CARNMT1: variants seen among roughly 807,000 people sequenced by gnomAD.
CARNMT1 encodes carnosine N-methyltransferase 1, also known as protein-L-histidine N-pros-methyltransferase CARNMT1.
CARNMT1 carries 28 observed loss-of-function variants against 49.6 expected under a neutral mutation model. The observed-to-expected ratio is 0.56, with a 90% CI of 0.42 to 0.77. The LOEUF (loss-of-function observed/expected upper bound fraction) is 0.77, where lower values mean the gene tolerates loss of function less well. Among genes scored for constraint, CARNMT1 ranks in the 30% least tolerant of loss-of-function variants. The probability of loss-of-function intolerance (pLI) is 0.00; values close to 1 mark genes in which losing one functional copy is unlikely to be tolerated. For synonymous variants in CARNMT1, 178 were observed against 175.0 expected, an observed-to-expected ratio of 1.02 and a Z score of -0.13; for missense variants, 421 against 512.6, an observed-to-expected ratio of 0.82 and a Z score of 1.73.
rs1832735839 is a variant in CARNMT1, at chr9:74,983,326, T to C, written c.*441A>G. The C allele has an allele frequency of 6.6e-6, 1 of 152,150 alleles. No homozygotes were observed. Among genetic ancestry groups the C allele is most frequent in the African/African-American group, 2.4e-5 (1 of 41,412 alleles). 9.4% of individuals were successfully genotyped at this position (152,150 alleles called of 1,614,324 possible). A position where few individuals can be genotyped will look rare whatever the true frequency, so the allele number is the denominator to read the frequency against. ...GTGAACAAAGTCCCAACTCCAGATG[T>C]TGAATATGACTGAGGATCCTTAGAC... On this transcript the variant is annotated 3_prime_UTR_variant, in exon 8 of 8. Transcript: ENST00000376834.
chr9:75,021,718 G>T (rs1227941440), intron 1 of CARNMT1, among the ~76,000 whole-genome samples: 1 of 151,862 alleles, frequency 6.6e-6, no homozygotes, highest in Non-Finnish European at 1.5e-5. Flanking sequence ...CCTGTTTGAG[G>T]CCAGGTGTTC....
intron 3 of CARNMT1, among the ~76,000 whole-genome samples, chr9:75,014,013 A>G (rs908595206): frequency 1.7e-5 from 2 of 115,482 alleles, no homozygotes; most frequent in Admixed American, 1.8e-4. Flanking sequence ...AACCACATCC[A>G]CTTACTTAAA....
At chr9:74,989,467 C>T (rs997584046) in intron 6 of CARNMT1, among the ~76,000 whole-genome samples, 7 of 152,092 alleles carry the variant, frequency 4.6e-5, no homozygotes, top group African/African-American at 1.4e-4. Context: ...TATTTCATTG[C>T]TGGGTAGTTT....
At chr9:75,003,734 T>C (rs1351437814) in intron 3 of CARNMT1, among the ~76,000 whole-genome samples, 1 of 152,258 alleles carries the variant, frequency 6.6e-6, no homozygotes, top group Non-Finnish European at 1.5e-5. Context: ...CATGAATAAC[T>C]TTTTATTTTG....
At chr9:75,015,785 A>AC (rs1833828858) in intron 3 of CARNMT1, 1 of 148,942 alleles carries the variant, frequency 6.7e-6, no homozygotes, top group Non-Finnish European at 1.5e-5. Context: ...GACTGTCTCA[A>AC]AAAAATAAAT....
chr9:75,004,546 C>A (rs906369331), intron 3 of CARNMT1, among the ~76,000 whole-genome samples: 1 of 152,176 alleles, frequency 6.6e-6, no homozygotes, highest in South Asian at 2.1e-4. Context: ...AGAAATCTAT[C>A]TTTAGTCTCT....
At chr9:75,021,961 A>C (rs77551192) in intron 1 of CARNMT1, among the ~76,000 whole-genome samples, 3 of 152,030 alleles carry the variant, frequency 2.0e-5, no homozygotes, top group African/African-American at 7.2e-5. Context: ...GAAAAAAAAA[A>C]GTCATCTAGC....
chr9:75,021,254 T>G (rs923230383), intron 1 of CARNMT1, among the ~76,000 whole-genome samples: 2 of 143,888 alleles, frequency 1.4e-5, no homozygotes, highest in African/African-American at 2.6e-5. Context: ...ACATAGTATA[T>G]ACATAGTATA....
chr9:75,000,419 A>C lies in CARNMT1; in HGVS notation c.591-549T>G, dbSNP rs185963964. Among the ~76,000 whole-genome samples, 32 of 152,292 alleles carry C rather than the reference A, an allele frequency of 2.1e-4. No individual in the cohort carries two copies. In the East Asian group the frequency reaches 5.8e-3, roughly 28 times the overall value. On this transcript the variant is annotated intron_variant, in intron 3 of 7. Coordinates refer to ENST00000376834, the MANE Select transcript of CARNMT1 (RefSeq NM_152420.3). ...GGGATATTTTCATGGGGAAAATGGG[A>C]AACGGCCCTCTAATTAAACATACAT... is the stretch of plus-strand genomic sequence containing the variant.
chr9:75,017,326 T>A lies in CARNMT1; in HGVS notation c.353A>T (p.His118Leu), dbSNP rs766929269. Reference protein sequence around the residue: ...HLDKIRKCIDHNQEILLTIVN... With the variant: ...HLDKIRKCIDLNQEILLTIVN... ...AATGGTCAGTAGTATTTCTTGATTATGATCAATGCATTTCCGGATCTTGTC... is the reference window on the plus strand; with the variant it reads ...AATGGTCAGTAGTATTTCTTGATTAAGATCAATGCATTTCCGGATCTTGTC... Residue 118 changes from histidine (H) to leucine (L), a missense_variant, in exon 2 of 8, where the codon CAT (histidine) becomes CTT (leucine). Coordinates refer to ENST00000376834, the MANE Select transcript of CARNMT1 (RefSeq NM_152420.3). 1.9e-6 allele frequency: 3 copies of A among 1,614,048 alleles called. No individual in the cohort carries two copies. Among genetic ancestry groups the A allele is most frequent in the Non-Finnish European group, 2.5e-6 (3 of 1,179,894 alleles).
In CARNMT1 at chr9:74,999,799, A is replaced by G. The variant is rs1330979612; in HGVS notation, c.662T>C (p.Leu221Pro). The change falls in exon 4 of 8, where the codon CTA becomes CCA. Residue 221 changes from leucine (L) to proline (P), a missense_variant. Physicochemically the swap from Leu to Pro is moderately conservative, Grantham distance 98. Transcript: ENST00000376834. ...LGRLAWEIAM[L>P]GYACQGNEWS... ...TTCATTTCCTTGACAAGCATAACCT[A>G]GCATAGCTATTTCCCAGGCCAGTCT... 1 of 1,612,718 alleles carries G rather than the reference A, an allele frequency of 6.2e-7. No homozygotes were observed. The highest frequency in any genetic ancestry group is 8.5e-7 in the Non-Finnish European group (1 of 1,179,258).
rs934475340 is a variant in CARNMT1 at position 74,981,904 on chromosome 9, A to C, written c.*1863T>G. The C allele has an allele frequency of 2.0e-5, 3 of 151,422 alleles. No individual in the cohort carries two copies. Among genetic ancestry groups the C allele is most frequent in the Non-Finnish European group, 4.4e-5 (3 of 67,570 alleles). The allele number at this position is 151,422 out of a possible 1,614,324, so 9.4% of individuals were successfully genotyped here. On this transcript the variant is annotated 3_prime_UTR_variant, in exon 8 of 8. Transcript: ENST00000376834. ...GCAAGTTTTCTTCTTTTAAAACAAT[A>C]ATTTGAGTTTTTTTTTTCTTCCTTG...
intron 3 of CARNMT1, among the ~76,000 whole-genome samples, chr9:75,004,720 ATTT>A (rs1833452893): frequency 6.6e-6 from 1 of 152,122 alleles, no homozygotes; most frequent in African/African-American, 2.4e-5. Context: ...AGCTCAGAGT[ATTT>A]TTTTCCTAAT....
chr9:75,028,288 G>T lies in CARNMT1; in HGVS notation c.-47C>A. On this transcript the variant is annotated 5_prime_UTR_variant, in exon 1 of 8. Transcript: ENST00000376834. ...GGCTCGCTTGCGTCTCTCCGCGACC[G>T]ACAGCGTGGTGGCGGCTGCTTGGCC... 1 of 1,340,274 alleles carries T rather than the reference G, an allele frequency of 7.5e-7. No homozygotes were observed. Among genetic ancestry groups the T allele is most frequent in the South Asian group, 2.0e-5 (1 of 50,366 alleles). The allele number at this position is 1,340,274 out of a possible 1,614,324, so 83.0% of individuals were successfully genotyped here.
In CARNMT1 at chr9:74,999,902, C is replaced by A. The variant is rs762972693; in HGVS notation, c.591-32G>T. The A allele has an allele frequency of 4.5e-6, 7 of 1,556,300 alleles. No homozygotes were observed. In the South Asian group the frequency reaches 8.7e-5, roughly 19 times the overall value. ...TGAAATAAGGCAATTATGTCCAACC[C>A]CTCAAAGAAAAAAAGGAAAAGACAA... On this transcript the variant is annotated intron_variant, in intron 3 of 7. Transcript: ENST00000376834.
At chr9:74,985,717 T>C (rs1358775363) in intron 6 of CARNMT1, among the ~76,000 whole-genome samples, 4 of 152,068 alleles carry the variant, frequency 2.6e-5, no homozygotes, top group Non-Finnish European at 4.4e-5. Context: ...ATAGCTGAGA[T>C]TACAGGAACC....
intron 5 of CARNMT1, among the ~76,000 whole-genome samples, chr9:74,997,217 T>C (rs1833213892): frequency 6.6e-6 from 1 of 152,138 alleles, no homozygotes; most frequent in Non-Finnish European, 1.5e-5. Context: ...AAAGGGGACT[T>C]TTACTTGCCT....
chr9:75,024,882 G>A (rs1356227728), intron 1 of CARNMT1, among the ~76,000 whole-genome samples: 1 of 152,064 alleles, frequency 6.6e-6, no homozygotes, highest in Non-Finnish European at 1.5e-5. Context: ...GCCTACTACT[G>A]ACCGAAAGCC....
At chr9:75,006,460 T>C (rs939520985) in intron 3 of CARNMT1, among the ~76,000 whole-genome samples, 10 of 152,362 alleles carry the variant, frequency 6.6e-5, no homozygotes, top group Admixed American at 3.9e-4. Context: ...TTAGGTTTTT[T>C]TGATAGCTCA....
Sources: allele counts gnomAD v4.1 joint callset (sites outside exome capture counted in the v4.1 genomes callset), GRCh38; gene constraint gnomAD v4.1.1; transcripts MANE v1.5; gene names NCBI Gene and HGNC (gene_info 2026-07-23, HGNC 2026-07-21).